The following KNTC1 variants were observed in gnomAD, a reference collection of about 807,000 sequenced individuals.
KNTC1 encodes kinetochore associated 1.
KNTC1 carries 253 observed loss-of-function variants against 314.4 expected under a neutral mutation model. The observed-to-expected ratio is 0.80, with a 90% CI of 0.73 to 0.89. The LOEUF is 0.89. Among genes scored for constraint, KNTC1 ranks in the 40% least tolerant of loss-of-function variants. The probability of loss-of-function intolerance (pLI) is 0.00; values close to 1 mark genes in which losing one functional copy is unlikely to be tolerated. For synonymous variants in KNTC1, 901 were observed against 901.4 expected (o/e 1.00, Z 0.01); for missense variants, 2,475 against 2,572.9 (o/e 0.96, Z 0.82).
At chr12:122,554,076 A>AAATATATATATATATATATATATATAT (rs370146333) in intron 16 of KNTC1, among the ~76,000 whole-genome samples, 1 of 109,064 alleles carries the variant, frequency 9.2e-6, no homozygotes, top group African/African-American at 3.9e-5. Flanking sequence ...AAAAAAAAAA[A>AAATATATATATATATATATATATATAT]ATATATATAT....
chr12:122,534,273 G>T (rs1961608164), intron 2 of KNTC1, among the ~76,000 whole-genome samples: 1 of 152,128 alleles, frequency 6.6e-6, no homozygotes, highest in Non-Finnish European at 1.5e-5. Context: ...TCATGTCTGT[G>T]GGGGCATGGA....
At chr12:122,568,635 G>A (rs1352832991) in intron 21 of KNTC1, among the ~76,000 whole-genome samples, 1 of 152,174 alleles carries the variant, frequency 6.6e-6, no homozygotes, top group African/African-American at 2.4e-5. Context: ...TTGGGAGTTC[G>A]AGACCAGCCT....
chr12:122,563,698 A>T, intron 20 of KNTC1: 1 of 1,177,840 alleles, frequency 8.5e-7, no homozygotes, highest in African/African-American at 1.6e-5. Context: ...AGCCATAAAA[A>T]TTGGATTTAC....
intron 61 of KNTC1, 117 bp from the exon 62 acceptor site, chr12:122,622,345 C>T (rs983513816): frequency 1.0e-5 from 10 of 984,978 alleles, no homozygotes; most frequent in Non-Finnish European, 1.5e-5. Flanking sequence ...ATTGGGCTTC[C>T]GATTGTCAGA....
At chr12:122,585,872 C>T (rs1234651237) in intron 37 of KNTC1, 98 bp downstream of exon 37, 10 of 1,122,002 alleles carry the variant, frequency 8.9e-6, no homozygotes, top group South Asian at 7.8e-5. Flanking sequence ...GTAATGTGGG[C>T]GAACCTTATA....
chr12:122,603,115 A>C lies in KNTC1; in HGVS notation c.4973A>C (p.Lys1658Thr). The part of the protein sequence containing the change: ...KPKLLKLTQA[K>T]SSTLINKEIT... ...AAGCTCCTGAAGTTAACACAAGCTAAATCCTCAACACTGATTAACAAGGAA... is the reference window on the plus strand; with the variant it reads ...AAGCTCCTGAAGTTAACACAAGCTACATCCTCAACACTGATTAACAAGGAA... The change falls in exon 48 of 64, where the codon AAA becomes ACA. Residue 1658 changes from lysine to threonine, a missense_variant. Coordinates refer to ENST00000333479, the MANE Select transcript of KNTC1 (RefSeq NM_014708.6). 3 of 1,613,884 alleles carry C rather than the reference A, an allele frequency of 1.9e-6. No homozygotes were observed.
chr12:122,561,889 T>C, intron 18 of KNTC1, 32 bp from the exon 19 acceptor site: 1 of 1,514,780 alleles, frequency 6.6e-7, no homozygotes, highest in Non-Finnish European at 9.0e-7. Flanking sequence ...GTAGATATTC[T>C]TCTAACTGTA....
chr12:122,617,863 A>AT (rs1277283073), intron 57 of KNTC1, among the ~76,000 whole-genome samples: 4 of 152,174 alleles, frequency 2.6e-5, no homozygotes, highest in Admixed American at 6.6e-5. Context: ...GATTTATCTA[A>AT]TTTTTTTGTT....
chr12:122,607,594 C>A (rs191777541), intron 51 of KNTC1, among the ~76,000 whole-genome samples: 1 of 152,294 alleles, frequency 6.6e-6, no homozygotes, highest in South Asian at 2.1e-4. Context: ...TCCCTTTGCC[C>A]TCACAGGTGA....
Position 122,551,327 on chromosome 12 carries a change from A to T in KNTC1, c.1095A>T (p.Ile365=), listed in dbSNP as rs185362161. 6.4e-7 allele frequency: 1 copy of T among 1,573,246 alleles called. No individual in the cohort carries two copies. Among genetic ancestry groups the T allele is most frequent in the East Asian group, 2.2e-5 (1 of 44,528 alleles). ...TTTTTTTGTTATTGTAGGATACCAT[A>T]TACCTTTTAGAAGGAGTTTGCAAAA... ...LVQTGISTDT[I]YLLEGVCKND... The change falls in exon 14 of 64, where the codon ATA becomes ATT. Residue 365 remains isoleucine (I), a synonymous_variant. Transcript: ENST00000333479.
intron 6 of KNTC1, among the ~76,000 whole-genome samples, chr12:122,542,427 A>G (rs1962413803): frequency 6.6e-6 from 1 of 152,198 alleles, no homozygotes; most frequent in Non-Finnish European, 1.5e-5. Context: ...ATACTTTTTA[A>G]TGTGGTGGAT....
At position 122,617,225 on chromosome 12, in the gene KNTC1, C is replaced by T. The variant is rs1017544904; in HGVS notation, c.6031-1118C>T. On this transcript the variant is annotated intron_variant, in intron 57 of 63. Coordinates refer to ENST00000333479, the MANE Select transcript of KNTC1 (RefSeq NM_014708.6). Reference sequence around the variant, plus strand: ...GTTTTCATTTCTCCTGAGTATATACCTAGAAGTGGGCTTGTTGGGTCTTAC... The same window carrying T: ...GTTTTCATTTCTCCTGAGTATATACTTAGAAGTGGGCTTGTTGGGTCTTAC... Among the ~76,000 whole-genome samples, 7 of 152,154 alleles carry T rather than the reference C, an allele frequency of 4.6e-5. No homozygotes were observed. The East Asian group carries it at 1.4e-3, about 29-fold the overall frequency.
At position 122,536,993 on chromosome 12, in the gene KNTC1, TCA is replaced by T. The variant is rs199582440; in HGVS notation, c.251-1343_251-1342del. Among the ~76,000 whole-genome samples the T allele has an allele frequency of 3.0e-4, 46 of 152,346 alleles. 1 individual carries two copies. In the East Asian group the frequency reaches 8.5e-3, roughly 28 times the overall value. Reference sequence around the variant, plus strand: ...ATTGACCCTGATTGGTCCACAAGATTCACAGTTTCTTCTATTAAGTGGTGGGA... The same window carrying T: ...ATTGACCCTGATTGGTCCACAAGATTCAGTTTCTTCTATTAAGTGGTGGGA... On this transcript the variant is annotated intron_variant, in intron 3 of 63. Transcript: ENST00000333479.
At chr12:122,610,262 G>A (rs1308560763) in intron 52 of KNTC1, among the ~76,000 whole-genome samples, 3 of 152,252 alleles carry the variant, frequency 2.0e-5, no homozygotes, top group East Asian at 1.9e-4. Flanking sequence ...AACTAGGCAC[G>A]TGGAAGGTCT....
chr12:122,602,369 A>G, intron 45 of KNTC1, 200 bp from the exon 46 acceptor site: 1 of 428,702 alleles, frequency 2.3e-6, no homozygotes, highest in Non-Finnish European at 4.1e-6. Context: ...TTCTCCTCAT[A>G]GGATTCCTTT....
chr12:122,559,539 A>T (rs1012434523), intron 18 of KNTC1, among the ~76,000 whole-genome samples: 2 of 151,258 alleles, frequency 1.3e-5, no homozygotes, highest in Non-Finnish European at 2.9e-5. Flanking sequence ...TAAAAAATAC[A>T]TAACATGAAA....
In KNTC1 at chr12:122,604,882, A is replaced by C; in HGVS notation, c.5181A>C (p.Glu1727Asp). The change falls in exon 50 of 64, where the codon GAA becomes GAC. Residue 1727 changes from glutamate (E) to aspartate (D), a missense_variant. Coordinates refer to ENST00000333479, the MANE Select transcript of KNTC1 (RefSeq NM_014708.6). ...RWLQNIPSQD[E>D]KREKAEALLK... ...TGCTTGGAATTGTTTAAAAGGACGA[A>C]AAACGTGAAAAAGCCGAGGCTTTGT... The C allele has an allele frequency of 6.3e-7, 1 of 1,599,860 alleles. No homozygotes were observed. Among genetic ancestry groups the C allele is most frequent in the African/African-American group, 1.3e-5 (1 of 74,824 alleles).
intron 48 of KNTC1, among the ~76,000 whole-genome samples, chr12:122,603,828 A>T (rs1872271332): frequency 6.6e-6 from 1 of 152,306 alleles, no homozygotes; most frequent in East Asian, 1.9e-4. Context: ...AGATAGTCTC[A>T]CATAACCAAA....
Position 122,568,288 on chromosome 12 carries a change from TAATG to T in KNTC1, c.1635_1638del (p.Asn545LysfsTer11), listed in dbSNP as rs1189806341. The stretch of plus-strand genomic sequence containing the variant: ...GCAGTTCTTGGATTGAATTTCTAAA[TAATG>T]AAGATGATCTTAAAGATATTTTTTT... On this transcript the variant is annotated frameshift_variant, in exon 21 of 64. Transcript: ENST00000333479. LOFTEE classifies it high-confidence loss of function. The T allele has an allele frequency of 2.6e-6, 4 of 1,568,040 alleles. No homozygotes were observed. In the South Asian group the frequency reaches 4.5e-5, roughly 18 times the overall value.
Sources: gnomAD v4.1 joint callset for allele counts (sites outside exome capture counted in the v4.1 genomes callset) on GRCh38, gnomAD v4.1.1 for gene constraint, MANE v1.5 for transcripts, NCBI Gene and HGNC (gene_info 2026-07-23, HGNC 2026-07-21) for gene names.